The following PRKCZ variants were observed in gnomAD, a reference collection of about 807,000 sequenced individuals.
The protein encoded by PRKCZ is protein kinase C zeta, also known as protein kinase C zeta type.
In PRKCZ, 33 loss-of-function variants were observed where a neutral mutation model predicts 79.5. That is an observed-to-expected ratio of 0.41 (90% CI 0.31 to 0.55). The LOEUF is 0.55. Among genes scored for constraint, PRKCZ ranks in the 20% least tolerant of loss-of-function variants. The pLI, the probability that PRKCZ is intolerant of heterozygous loss-of-function variation, is 0.19. For synonymous variants in PRKCZ, 342 were observed against 320.9 expected (o/e 1.07, Z -0.70); for missense variants, 578 against 813.5 (o/e 0.71, Z 3.52).
In PRKCZ at chr1:2,113,929, G is replaced by A. The variant is rs191657528; in HGVS notation, c.335-21333G>A. On this transcript the variant is annotated intron_variant, in intron 4 of 17. Coordinates refer to ENST00000378567, the MANE Select transcript of PRKCZ (RefSeq NM_002744.6). The stretch of plus-strand genomic sequence containing the variant: ...GATGGTGTGGGAGTGTAGAGAGGGC[G>A]GGGGCCCAGCCCACAGCATCCATGC... 7.9e-5 allele frequency among the ~76,000 whole-genome samples: 12 copies of A among 152,150 alleles called. No individual in the cohort carries two copies. In the East Asian group the frequency reaches 2.1e-3, roughly 27 times the overall value.
chr1:2,112,415 G>A (rs1239062079), intron 4 of PRKCZ, among the ~76,000 whole-genome samples: 2 of 152,104 alleles, frequency 1.3e-5, no homozygotes, highest in African/African-American at 4.8e-5. Flanking sequence ...AGCCTCAGGC[G>A]GAGGGTCAGC....
intron 4 of PRKCZ, among the ~76,000 whole-genome samples, chr1:2,126,469 C>T (rs1673917394): frequency 6.6e-6 from 1 of 152,134 alleles, no homozygotes; most frequent in African/African-American, 2.4e-5. Flanking sequence ...CCCCAGCCGC[C>T]TTGGGCTGGG....
chr1:2,158,435 C>T (rs1435540169), intron 10 of PRKCZ, among the ~76,000 whole-genome samples: 1 of 152,256 alleles, frequency 6.6e-6, no homozygotes, highest in Non-Finnish European at 1.5e-5. Flanking sequence ...CTCGCCCGCA[C>T]CGCCTGCGCC....
intron 1 of PRKCZ, among the ~76,000 whole-genome samples, chr1:2,051,644 T>C (rs1659669276): frequency 6.6e-6 from 1 of 152,162 alleles, no homozygotes; most frequent in South Asian, 2.1e-4. Flanking sequence ...GTGGGCAACC[T>C]GAGCCCCAGA....
chr1:2,179,804 C>T (rs1686191841), intron 16 of PRKCZ, among the ~76,000 whole-genome samples: 1 of 152,062 alleles, frequency 6.6e-6, no homozygotes. Context: ...TGGTGGGAGC[C>T]TCAGGACTTT....
chr1:2,053,916 C>T (rs1659920245), intron 1 of PRKCZ, among the ~76,000 whole-genome samples: 1 of 152,136 alleles, frequency 6.6e-6, no homozygotes, highest in Non-Finnish European at 1.5e-5. Context: ...CTGTGGGGTG[C>T]TTGGGCACTG....
chr1:2,065,915 A>G (rs944659225), intron 4 of PRKCZ, among the ~76,000 whole-genome samples: 6 of 151,996 alleles, frequency 3.9e-5, no homozygotes, highest in African/African-American at 1.4e-4. Flanking sequence ...TGAGACGATC[A>G]TGTGTTTTTT....
At chr1:2,117,998 C>CTTTTTTTTTT (rs1553152756) in intron 4 of PRKCZ, among the ~76,000 whole-genome samples, 8,681 of 65,586 alleles carry the variant, frequency 0.13, 1,294 homozygotes, top group Admixed American at 0.18. Context: ...CCTATTATTT[C>CTTTTTTTTTT]TTTTTTTTTT....
intron 10 of PRKCZ, 95 bp from the exon 11 acceptor site, chr1:2,169,423 T>C: frequency 9.5e-7 from 1 of 1,050,970 alleles, no homozygotes; most frequent in Middle Eastern, 2.0e-4. Flanking sequence ...TGCGGGAGGG[T>C]TCGGGCCCAC....
rs1338001987 is a variant in PRKCZ at position 2,168,232 on chromosome 1, G to A, written c.975-1286G>A. Among the ~76,000 whole-genome samples, 1 of 152,200 alleles carries A rather than the reference G, an allele frequency of 6.6e-6. No homozygotes were observed. The highest frequency in any genetic ancestry group is 1.9e-4 in the East Asian group (1 of 5,194). On this transcript the variant is annotated intron_variant, in intron 10 of 17. Coordinates refer to ENST00000378567, the MANE Select transcript of PRKCZ (RefSeq NM_002744.6). The surrounding 1 kb of genome is among the most constrained non-coding windows in gnomAD (Gnocchi z 4.7). ...CCACGGTGGCTGGAAAGCAGACATAGAAAATAGATGCACCAGTGAGCATAG... is the reference window on the plus strand; with the variant it reads ...CCACGGTGGCTGGAAAGCAGACATAAAAAATAGATGCACCAGTGAGCATAG...
intron 1 of PRKCZ, among the ~76,000 whole-genome samples, chr1:2,051,295 C>A (rs987065400): frequency 1.3e-5 from 2 of 152,176 alleles, no homozygotes; most frequent in African/African-American, 4.8e-5. Context: ...TGGGAGGGGG[C>A]GCGGTCAGGT....
At position 2,178,234 on chromosome 1, in the gene PRKCZ, G is replaced by A. The variant is rs867339386; in HGVS notation, c.1575+2921G>A. On this transcript the variant is annotated intron_variant, in intron 16 of 17. Coordinates refer to ENST00000378567, the MANE Select transcript of PRKCZ (RefSeq NM_002744.6). The surrounding 1 kb of genome is among the most constrained non-coding windows in gnomAD (Gnocchi z 4.3). ...CCCCACACCCTGCAGTGGCTGCTCC[G>A]CCAGGCTGTGTGGCTCTGCCTGGTC... Among the ~76,000 whole-genome samples, 10 of 152,124 alleles carry A rather than the reference G, an allele frequency of 6.6e-5. No homozygotes were observed. Among genetic ancestry groups the A allele is most frequent in the African/African-American group, 1.9e-4 (8 of 41,408 alleles).
intron 4 of PRKCZ, among the ~76,000 whole-genome samples, chr1:2,080,828 C>T (rs575898190): frequency 1.2e-4 from 19 of 152,260 alleles, no homozygotes; most frequent in African/African-American, 4.3e-4. Context: ...CTCAGACTTG[C>T]CTCATTTTCA....
At chr1:2,132,033 G>A (rs61776567) in intron 4 of PRKCZ, among the ~76,000 whole-genome samples, 15 of 152,168 alleles carry the variant, frequency 9.9e-5, no homozygotes, top group African/African-American at 3.1e-4. Context: ...GGATGGTCTC[G>A]ATCTCCTGAC....
Position 2,174,739 on chromosome 1 carries a change from G to A in PRKCZ, c.1406-15G>A, listed in dbSNP as rs112903589. The A allele has an allele frequency of 3.1e-6, 5 of 1,613,192 alleles. No individual in the cohort carries two copies. The highest frequency in any genetic ancestry group is 4.2e-6 in the Non-Finnish European group (5 of 1,179,188). On this transcript the variant is annotated splice_polypyrimidine_tract_variant and intron_variant, in intron 14 of 17. Transcript: ENST00000378567. The surrounding 1 kb of genome is among the most constrained non-coding windows in gnomAD (Gnocchi z 6.2). ...CACAACACAGGCAAGTCCTCACCAG[G>A]CTCCGCCCTTGCAGTGATCCTGGAG... is the stretch of plus-strand genomic sequence containing the variant.
intron 4 of PRKCZ, among the ~76,000 whole-genome samples, chr1:2,061,324 C>T (rs904841246): frequency 1.3e-5 from 2 of 152,004 alleles, no homozygotes; most frequent in East Asian, 3.9e-4. Flanking sequence ...TCGGCATTGC[C>T]TCTCTGCCCG....
At chr1:2,129,497 C>T (rs1398619086) in intron 4 of PRKCZ, among the ~76,000 whole-genome samples, 2 of 152,136 alleles carry the variant, frequency 1.3e-5, no homozygotes, top group Non-Finnish European at 2.9e-5. Flanking sequence ...ACGTGGGCTC[C>T]AGGACAGGAC....
chr1:2,063,025 G>T (rs1660830279), intron 4 of PRKCZ, among the ~76,000 whole-genome samples: 1 of 152,098 alleles, frequency 6.6e-6, no homozygotes, highest in Non-Finnish European at 1.5e-5. Context: ...AATCGCACAG[G>T]ATCTGTCCTT....
chr1:2,049,464 A>C (rs564028155), upstream of PRKCZ: 78 of 152,518 alleles, frequency 5.1e-4, no homozygotes, highest in South Asian at 4.1e-4. Context: ...GGCGCCAGGC[A>C]CGACCTGCGG....
Sources: allele counts gnomAD v4.1 joint callset (sites outside exome capture counted in the v4.1 genomes callset), GRCh38; gene constraint gnomAD v4.1.1; non-coding constraint Gnocchi (gnomAD v3.1); transcripts MANE v1.5; gene names NCBI Gene and HGNC (gene_info 2026-07-23, HGNC 2026-07-21).